Variants in FAAH2 observed in about 807,000 individuals in gnomAD.
FAAH2 encodes the protein fatty-acid amide hydrolase 2.
In FAAH2, 60 loss-of-function variants were observed where a neutral mutation model predicts 36.9. The observed-to-expected ratio is 1.63, with a 90% CI of 1.32 to 2.02. The LOEUF is 2.02. FAAH2 is among the 30% of genes most tolerant of loss of function. FAAH2 has a pLI of 0.00. For missense variants in FAAH2, 689 were observed against 397.5 expected (o/e 1.73, Z -6.23); for synonymous variants, 214 against 143.8 (o/e 1.49, Z -3.49).
At chrX:57,143,179 C>CT in the FAAH2 span, among the ~76,000 whole-genome samples, 2 of 110,620 alleles carry the variant, frequency 1.8e-5, no homozygotes, top group Non-Finnish European at 3.8e-5. Flanking sequence ...TTTCTAAGTC[C>CT]TTTTTTTCTT....
At chrX:57,295,019 A>C (rs2052091412) in intron 2 of FAAH2, among the ~76,000 whole-genome samples, 1 of 112,356 alleles carries the variant, frequency 8.9e-6, no homozygotes, top group Non-Finnish European at 1.9e-5. Flanking sequence ...ATGAGGGAAC[A>C]AAGGGAAGAA....
At chrX:57,152,941 T>A in the FAAH2 span, among the ~76,000 whole-genome samples, 1 of 107,579 alleles carries the variant, frequency 9.3e-6, no homozygotes, top group South Asian at 3.9e-4. Context: ...CTTGATGACC[T>A]GTCTAGTGCT....
intron 7 of FAAH2, among the ~76,000 whole-genome samples, chrX:57,391,758 G>C (rs939815026): frequency 9.0e-6 from 1 of 110,541 alleles, no homozygotes; most frequent in Non-Finnish European, 1.9e-5. Context: ...CAGATAATGT[G>C]GGGCCTCTTT....
the FAAH2 span, among the ~76,000 whole-genome samples, chrX:57,147,161 T>G: frequency 8.9e-6 from 1 of 112,038 alleles, no homozygotes; most frequent in African/African-American, 3.2e-5. Flanking sequence ...CAATGTCTGA[T>G]AGAATTCAGC....
the FAAH2 span, among the ~76,000 whole-genome samples, chrX:57,126,314 A>G: frequency 2.7e-5 from 3 of 112,242 alleles, no homozygotes; most frequent in Non-Finnish European, 3.8e-5. Flanking sequence ...ACATCAATTG[A>G]TACTGCAGCC....
At chrX:57,183,131 A>G in the FAAH2 span, among the ~76,000 whole-genome samples, 1 of 111,152 alleles carries the variant, frequency 9.0e-6, no homozygotes, top group East Asian at 2.8e-4. Context: ...GTACCTTGGT[A>G]ATGAAGTAAG....
the FAAH2 span, among the ~76,000 whole-genome samples, chrX:57,223,617 C>G: frequency 1.8e-5 from 2 of 111,457 alleles, no homozygotes; most frequent in African/African-American, 6.5e-5. Flanking sequence ...CCACCAAGCC[C>G]AGGGCCAGGT....
chrX:57,296,044 A>G (rs756334428), intron 2 of FAAH2, among the ~76,000 whole-genome samples: 3 of 112,316 alleles, frequency 2.7e-5, no homozygotes, highest in African/African-American at 6.5e-5. Context: ...CAGACAAACA[A>G]AAGACAGCAA....
intron 5 of FAAH2, among the ~76,000 whole-genome samples, chrX:57,349,447 A>G (rs1338525817): frequency 2.0e-5 from 2 of 100,144 alleles, no homozygotes; most frequent in African/African-American, 7.2e-5. Context: ...ATATACACAT[A>G]GATACATATA....
chrX:57,197,818 T>C, the FAAH2 span, among the ~76,000 whole-genome samples: 2 of 112,148 alleles, frequency 1.8e-5, no homozygotes, highest in Non-Finnish European at 3.8e-5. Context: ...TCTTTGGCTG[T>C]AGTTTTGTTT....
chrX:57,283,797 T>C (rs1602152528), upstream of FAAH2, among the ~76,000 whole-genome samples: 1 of 111,879 alleles, frequency 8.9e-6, no homozygotes, highest in Admixed American at 9.4e-5. Flanking sequence ...ACAGTACCAC[T>C]GCAGCTGCAA....
intron 5 of FAAH2, among the ~76,000 whole-genome samples, chrX:57,372,359 T>C (rs1164781704): frequency 9.0e-6 from 1 of 111,147 alleles, no homozygotes; most frequent in Admixed American, 9.6e-5. Context: ...TGTGAGATGG[T>C]ATTTCTTGGT....
the FAAH2 span, among the ~76,000 whole-genome samples, chrX:57,242,156 G>A: frequency 6.2e-5 from 7 of 112,306 alleles, no homozygotes; most frequent in South Asian, 3.7e-4. Flanking sequence ...CGTGCCTCCC[G>A]ACTGGGAGAC....
chrX:57,262,736 T>C, the FAAH2 span, among the ~76,000 whole-genome samples: 35 of 111,691 alleles, frequency 3.1e-4, no homozygotes, highest in African/African-American at 1.1e-3. Flanking sequence ...AAATACAATT[T>C]AGCAATATAT....
intron 7 of FAAH2, chrX:57,393,456 A>T (rs1021251560): frequency 4.4e-6 from 4 of 905,117 alleles, no homozygotes; most frequent in Non-Finnish European, 4.9e-6. Flanking sequence ...GTCACTACAA[A>T]CCCTTCTGGG....
At chrX:57,452,281 A>G (rs2056799162) in intron 10 of FAAH2, 1 of 753,529 alleles carries the variant, frequency 1.3e-6, no homozygotes, top group African/African-American at 2.3e-5. Context: ...AGCATCCAGC[A>G]TTAGAGTGAA....
the FAAH2 span, among the ~76,000 whole-genome samples, chrX:57,223,532 T>G: frequency 9.0e-6 from 1 of 111,277 alleles, no homozygotes; most frequent in South Asian, 3.9e-4. Flanking sequence ...CCAGCCATGT[T>G]TGAGAAATTA....
At chrX:57,185,668 TGC>T in the FAAH2 span, among the ~76,000 whole-genome samples, 1 of 110,627 alleles carries the variant, frequency 9.0e-6, no homozygotes, top group East Asian at 2.9e-4. Context: ...TTTTAAGCCC[TGC>T]ATGCATTAGG....
At chrX:57,305,064 G>C (rs979600500) in intron 2 of FAAH2, among the ~76,000 whole-genome samples, 2 of 57,754 alleles carry the variant, frequency 3.5e-5, no homozygotes, top group African/African-American at 1.7e-4. Flanking sequence ...CTGTAATTTT[G>C]TGTGTGTGTG....
Sources: allele counts gnomAD v4.1 joint callset (sites outside exome capture counted in the v4.1 genomes callset), GRCh38; gene constraint gnomAD v4.1.1; transcripts MANE v1.5; gene names NCBI Gene and HGNC (gene_info 2026-07-23, HGNC 2026-07-21).